SLC24A2: variants seen among roughly 807,000 people sequenced by gnomAD.
SLC24A2 encodes the protein sodium/potassium/calcium exchanger 2.
SLC24A2 carries 36 observed loss-of-function variants against 62.0 expected under a neutral mutation model. The ratio of observed to expected loss-of-function variants is 0.58; its 90% CI spans 0.44 to 0.77. The LOEUF is 0.77. SLC24A2 is among the 30% of genes least tolerant of loss of function. The pLI is 0.00. For synonymous variants in SLC24A2, 358 were observed against 294.0 expected, an observed-to-expected ratio of 1.22 and a Z score of -2.23; for missense variants, 846 against 817.9, an observed-to-expected ratio of 1.03 and a Z score of -0.42.
At chr9:19,715,108 C>G (rs894295704) in intron 2 of SLC24A2, among the ~76,000 whole-genome samples, 2 of 152,162 alleles carry the variant, frequency 1.3e-5, no homozygotes, top group African/African-American at 4.8e-5. Flanking sequence ...GAAATTAACA[C>G]TTCTAAACAC....
chr9:19,678,035 C>A (rs955720269), intron 2 of SLC24A2, among the ~76,000 whole-genome samples: 1 of 152,246 alleles, frequency 6.6e-6, no homozygotes, highest in South Asian at 2.1e-4. Context: ...TTATCTCTGT[C>A]GCAGTAGCTT....
chr9:19,980,604 T>C, the SLC24A2 span, among the ~76,000 whole-genome samples: 1 of 152,186 alleles, frequency 6.6e-6, no homozygotes, highest in Non-Finnish European at 1.5e-5. Context: ...ATGTTTAATA[T>C]GAGGTGGTAA....
At chr9:19,947,589 G>T in the SLC24A2 span, among the ~76,000 whole-genome samples, 1 of 151,818 alleles carries the variant, frequency 6.6e-6, no homozygotes, top group African/African-American at 2.4e-5. Context: ...AAGAGATTGA[G>T]ACCATCCTGG....
chr9:20,036,695 C>T, the SLC24A2 span, among the ~76,000 whole-genome samples: 2 of 152,184 alleles, frequency 1.3e-5, no homozygotes, highest in Admixed American at 1.3e-4. Flanking sequence ...AATAGAATTC[C>T]ATTGTGTATA....
At chr9:19,914,794 G>A in the SLC24A2 span, among the ~76,000 whole-genome samples, 64,615 of 151,844 alleles carry the variant, frequency 0.43, 14,165 homozygotes, top group Middle Eastern at 0.61. Context: ...GCTCAAGACA[G>A]CAAGTATCCT....
At chr9:19,922,020 G>A in the SLC24A2 span, among the ~76,000 whole-genome samples, 2 of 152,248 alleles carry the variant, frequency 1.3e-5, no homozygotes, top group Admixed American at 1.3e-4. Flanking sequence ...GTCTTAAAAT[G>A]TACCTTGATT....
At chr9:20,119,383 C>T in the SLC24A2 span, among the ~76,000 whole-genome samples, 1 of 151,882 alleles carries the variant, frequency 6.6e-6, no homozygotes, top group African/African-American at 2.4e-5. Context: ...AATATATTCT[C>T]AACAAAATTT....
the SLC24A2 span, among the ~76,000 whole-genome samples, chr9:20,096,414 T>G: frequency 4.6e-5 from 7 of 152,190 alleles, no homozygotes; most frequent in Admixed American, 3.9e-4. Flanking sequence ...TGTTATTGAC[T>G]CTCCTTTCCC....
At chr9:20,020,720 T>C in the SLC24A2 span, among the ~76,000 whole-genome samples, 1 of 152,152 alleles carries the variant, frequency 6.6e-6, no homozygotes, top group African/African-American at 2.4e-5. Context: ...TAAAATATAA[T>C]AAATAAATAA....
At chr9:20,221,210 G>T in the SLC24A2 span, among the ~76,000 whole-genome samples, 1 of 152,040 alleles carries the variant, frequency 6.6e-6, no homozygotes, top group Non-Finnish European at 1.5e-5. Context: ...GTGTCAGGGT[G>T]GGGGGTGCAA....
the SLC24A2 span, among the ~76,000 whole-genome samples, chr9:19,832,665 C>G: frequency 6.6e-6 from 1 of 152,206 alleles, no homozygotes; most frequent in Non-Finnish European, 1.5e-5. Flanking sequence ...CAATACCATT[C>G]AGGTCATAGG....
chr9:19,649,108 C>A (rs558733468), intron 2 of SLC24A2, among the ~76,000 whole-genome samples: 1 of 151,056 alleles, frequency 6.6e-6, no homozygotes, highest in East Asian at 1.9e-4. Context: ...ATCAGTCAGA[C>A]CAATTTAAAA....
the SLC24A2 span, among the ~76,000 whole-genome samples, chr9:20,008,879 A>T: frequency 6.6e-6 from 1 of 152,142 alleles, no homozygotes; most frequent in Non-Finnish European, 1.5e-5. Context: ...GAAGAATAGG[A>T]GTTCTCCGGC....
chr9:20,162,784 G>A, the SLC24A2 span, among the ~76,000 whole-genome samples: 2 of 152,054 alleles, frequency 1.3e-5, no homozygotes, highest in Non-Finnish European at 2.9e-5. Flanking sequence ...TATACATCAT[G>A]ATCAAGTGGG....
the SLC24A2 span, among the ~76,000 whole-genome samples, chr9:20,194,615 A>T: frequency 6.6e-6 from 1 of 151,710 alleles, no homozygotes; most frequent in Non-Finnish European, 1.5e-5. Flanking sequence ...TATCCTAAGA[A>T]CTCCTTTGTA....
intron 2 of SLC24A2, among the ~76,000 whole-genome samples, chr9:19,680,605 CAT>C (rs3086327): frequency 1.3e-4 from 19 of 147,648 alleles, no homozygotes; most frequent in South Asian, 2.2e-4. Context: ...AGTTCTATAA[CAT>C]ATATATATAT....
At chr9:19,932,067 A>G in the SLC24A2 span, among the ~76,000 whole-genome samples, 33,830 of 152,104 alleles carry the variant, frequency 0.22, 4,019 homozygotes, top group East Asian at 0.41. Flanking sequence ...GCATACCACA[A>G]TACGGTCCCA....
intron 2 of SLC24A2, among the ~76,000 whole-genome samples, chr9:19,694,646 T>C (rs2118486653): frequency 6.6e-6 from 1 of 152,292 alleles, no homozygotes; most frequent in South Asian, 2.1e-4. Context: ...ATTTTAAAAT[T>C]CACTTTAGGA....
At chr9:19,712,978 C>T (rs1374680062) in intron 2 of SLC24A2, among the ~76,000 whole-genome samples, 1 of 152,170 alleles carries the variant, frequency 6.6e-6, no homozygotes, top group Non-Finnish European at 1.5e-5. Flanking sequence ...CCCTAGATAT[C>T]TGCATGATTC....
Sources: allele counts gnomAD v4.1 joint callset (sites outside exome capture counted in the v4.1 genomes callset), GRCh38; gene constraint gnomAD v4.1.1; transcripts MANE v1.5; gene names NCBI Gene and HGNC (gene_info 2026-07-23, HGNC 2026-07-21).